The following PLIN1 variants were observed in gnomAD, a reference collection of about 807,000 sequenced individuals.
PLIN1 encodes the protein perilipin 1.
PLIN1 carries 37 observed loss-of-function variants against 45.8 expected under a neutral mutation model. The observed-to-expected ratio is 0.81, with a 90% CI of 0.62 to 1.06. The LOEUF (loss-of-function observed/expected upper bound fraction) is 1.06, where lower values mean the gene tolerates loss of function less well. PLIN1 is among the 50% of genes least tolerant of loss of function. The probability of loss-of-function intolerance (pLI) is 0.00; values close to 1 mark genes in which losing one functional copy is unlikely to be tolerated. For missense variants in PLIN1, 776 were observed against 716.5 expected (o/e 1.08, Z -0.95); for synonymous variants, 340 against 309.2 (o/e 1.10, Z -1.05).
intron 2 of PLIN1, among the ~76,000 whole-genome samples, chr15:89,674,786 T>C (rs1964490699): frequency 6.6e-6 from 1 of 152,134 alleles, no homozygotes; most frequent in Non-Finnish European, 1.5e-5. Flanking sequence ...AGTTCCTAAC[T>C]TCGTTTACAA....
chr15:89,665,661 G>A lies in PLIN1; in HGVS notation c.1491C>T (p.Ser497=). The A allele has an allele frequency of 6.7e-7, 1 of 1,497,508 alleles. No homozygotes were observed. Among genetic ancestry groups the A allele is most frequent in the Non-Finnish European group, 8.9e-7 (1 of 1,126,824 alleles). 92.8% of individuals were successfully genotyped at this position (1,497,508 alleles called of 1,614,324 possible). Residue 497 remains serine, a synonymous_variant, in exon 9 of 9, where the codon AGC becomes AGT. Transcript: ENST00000300055. The part of the protein sequence containing the change: ...VPREKPKRRV[S]DSFFRPSVME... ...TGACGCTGGGCCGGAAGAAGCTGTC[G>A]CTGACCCTGCGCTTTGGCTTCTCGC...
chr15:89,677,726 GTTTCTTTCTTTTTCTTTTC>G, intron 1 of PLIN1: 1 of 515,160 alleles, frequency 1.9e-6, no homozygotes, highest in East Asian at 3.2e-5. Flanking sequence ...CAAGACTGAT[GTTTCTTTCTTTTTCTTTTC>G]TTTCTTTCTT....
chr15:89,674,646 C>G lies in PLIN1; in HGVS notation c.46-1232G>C, dbSNP rs193097941. 3.6e-4 allele frequency among the ~76,000 whole-genome samples: 55 copies of G among 152,296 alleles called. No individual in the cohort carries two copies. In the East Asian group the frequency reaches 5.6e-3, roughly 16 times the overall value. ...CTGAGCTGAAATTTGCCTCCACCCCCCTGTTCCACACTCTGCCCTCTGGAA... is the reference window on the plus strand; with the variant it reads ...CTGAGCTGAAATTTGCCTCCACCCCGCTGTTCCACACTCTGCCCTCTGGAA... On this transcript the variant is annotated intron_variant, in intron 2 of 8. Coordinates refer to ENST00000300055, the MANE Select transcript of PLIN1 (RefSeq NM_002666.5).
At chr15:89,677,339 A>T in intron 2 of PLIN1, 106 bp downstream of exon 2, 1 of 928,244 alleles carries the variant, frequency 1.1e-6, no homozygotes, top group Non-Finnish European at 1.8e-6. Context: ...AACTAGGATT[A>T]TAATCTGGGA....
chr15:89,677,869 G>C (rs1320705237), intron 1 of PLIN1: 1 of 187,564 alleles, frequency 5.3e-6, no homozygotes, highest in Non-Finnish European at 1.1e-5. Flanking sequence ...TCCTGCCTCA[G>C]CCTCCCAAGT....
chr15:89,677,182 T>C, intron 2 of PLIN1: 1 of 548,362 alleles, frequency 1.8e-6, no homozygotes, highest in Non-Finnish European at 3.3e-6. Flanking sequence ...TCCTCTCCAC[T>C]CCCCCCGTCC....
intron 3 of PLIN1, among the ~76,000 whole-genome samples, chr15:89,672,933 T>G (rs1486847118): frequency 2.0e-5 from 3 of 152,248 alleles, no homozygotes; most frequent in Non-Finnish European, 4.4e-5. Context: ...CACCACTGCC[T>G]GCACAGCTCT....
Position 89,664,904 on chromosome 15 carries a change from G to C in PLIN1, c.*679C>G. Reference sequence around the variant, plus strand: ...AAGAGTGACTATGCAGGTGAAGGCAGTAATGATGCAAATGGAAATGTGGCT... The same window carrying C: ...AAGAGTGACTATGCAGGTGAAGGCACTAATGATGCAAATGGAAATGTGGCT... On this transcript the variant is annotated 3_prime_UTR_variant, in exon 9 of 9. Transcript: ENST00000300055. 2.2e-6 allele frequency: 1 copy of C among 456,104 alleles called. No individual in the cohort carries two copies. The highest frequency in any genetic ancestry group is 4.4e-6 in the Non-Finnish European group (1 of 226,798). 28.3% of individuals were successfully genotyped at this position (456,104 alleles called of 1,614,324 possible).
intron 2 of PLIN1, 30 bp downstream of exon 2, chr15:89,677,415 C>G (rs1182157204): frequency 1.3e-6 from 2 of 1,590,068 alleles, no homozygotes; most frequent in South Asian, 2.2e-5. Flanking sequence ...GTTGTCCATC[C>G]CCTGTCACAG....
rs1015496903 is a variant in PLIN1 at position 89,667,132 on chromosome 15, G to A, written c.1013C>T (p.Thr338Ile). Residue 338 changes from threonine to isoleucine, a missense_variant, in exon 8 of 9, where the codon ACC (threonine) becomes ATC (isoleucine). Coordinates refer to ENST00000300055, the MANE Select transcript of PLIN1 (RefSeq NM_002666.5). Reference sequence around the variant, plus strand: ...GGTGGTCTGGAGGGTCTTCTGCAGGGTATGTGCCACACCACCCAGGAGGCC... The same window carrying A: ...GGTGGTCTGGAGGGTCTTCTGCAGGATATGTGCCACACCACCCAGGAGGCC... ...PRGLLGGVAH[T>I]LQKTLQTTIS... 8 of 1,613,294 alleles carry A rather than the reference G, an allele frequency of 5.0e-6. No homozygotes were observed. The highest frequency in any genetic ancestry group is 5.9e-6 in the Non-Finnish European group (7 of 1,179,484).
Position 89,669,983 on chromosome 15 carries a change from A to T in PLIN1, c.595T>A (p.Ser199Thr). 1.9e-6 allele frequency: 3 copies of T among 1,610,266 alleles called. No individual in the cohort carries two copies. The highest frequency in any genetic ancestry group is 2.5e-6 in the Non-Finnish European group (3 of 1,179,186). The change falls in exon 5 of 9, where the codon TCA becomes ACA. Residue 199 changes from serine (S) to threonine (T), a missense_variant. Coordinates refer to ENST00000300055, the MANE Select transcript of PLIN1 (RefSeq NM_002666.5). Reference protein sequence around the residue: ...EYLLPPDKEESAPAPGHQQAQ... With the variant: ...EYLLPPDKEETAPAPGHQQAQ... Reference sequence around the variant, plus strand: ...CGAGCCTCCGAATGGCAGGTACCTGACTCTTCCTTGTCTGGAGGGAGGAGG... The same window carrying T: ...CGAGCCTCCGAATGGCAGGTACCTGTCTCTTCCTTGTCTGGAGGGAGGAGG...
Position 89,666,919 on chromosome 15 carries a change from C to T in PLIN1, c.1209+17G>A, listed in dbSNP as rs1423883248. On this transcript the variant is annotated intron_variant, in intron 8 of 8. Transcript: ENST00000300055. ...GCCCCCTTGGGACACTAACAGTTTG[C>T]CAGGGGTGGTACTCACCGGCACGTA... 6.2e-7 allele frequency: 1 copy of T among 1,613,584 alleles called. No individual in the cohort carries two copies. The highest frequency in any genetic ancestry group is 8.5e-7 in the Non-Finnish European group (1 of 1,179,798).
At chr15:89,677,916 A>AT in intron 1 of PLIN1, 1 of 157,446 alleles carries the variant, frequency 6.4e-6, no homozygotes. Flanking sequence ...ACGCCCGGCT[A>AT]GTTTTTTTTT....
chr15:89,665,645 G>GC lies in PLIN1; in HGVS notation c.1506dup (p.Pro503AlafsTer63). 2.0e-6 allele frequency: 3 copies of GC among 1,505,236 alleles called. No individual in the cohort carries two copies. The South Asian group carries it at 3.7e-5, about 19-fold the overall frequency. The allele number at this position is 1,505,236 out of a possible 1,614,324, so 93.2% of individuals were successfully genotyped here. The stretch of plus-strand genomic sequence containing the variant: ...CCCAGGATGGGCTCCATGACGCTGG[G>GC]CCGGAAGAAGCTGTCGCTGACCCTG... On this transcript the variant is annotated frameshift_variant, in exon 9 of 9. Coordinates refer to ENST00000300055, the MANE Select transcript of PLIN1 (RefSeq NM_002666.5). LOFTEE classifies it high-confidence loss of function.
In PLIN1 at chr15:89,665,627, T is replaced by C. The variant is rs1228947976; in HGVS notation, c.1525A>G (p.Ile509Val). The C allele has an allele frequency of 6.6e-7, 1 of 1,517,018 alleles. No individual in the cohort carries two copies. Among genetic ancestry groups the C allele is most frequent in the Admixed American group, 2.0e-5 (1 of 49,474 alleles). The allele number at this position is 1,517,018 out of a possible 1,614,324, so 94.0% of individuals were successfully genotyped here. Residue 509 changes from isoleucine (I) to valine (V), a missense_variant, in exon 9 of 9, where the codon ATC (isoleucine) becomes GTC (valine). Coordinates refer to ENST00000300055, the MANE Select transcript of PLIN1 (RefSeq NM_002666.5). ...SFFRPSVMEP[I>V]LGRTHYSQLR... The stretch of plus-strand genomic sequence containing the variant: ...TGGCTGTAATGCGTGCGGCCCAGGA[T>C]GGGCTCCATGACGCTGGGCCGGAAG...
At chr15:89,666,685 C>T (rs1659026588) in intron 8 of PLIN1, among the ~76,000 whole-genome samples, 1 of 152,106 alleles carries the variant, frequency 6.6e-6, no homozygotes, top group African/African-American at 2.4e-5. Context: ...TGGCTGGAGA[C>T]TCCTCTACCA....
chr15:89,679,108 G>C (rs1264296060), intron 1 of PLIN1, 143 bp downstream of exon 1: 2 of 152,098 alleles, frequency 1.3e-5, no homozygotes, highest in African/African-American at 4.8e-5. Flanking sequence ...TTGGCCACCT[G>C]CAGTGCTGGG....
rs1369909062 is a variant in PLIN1, at chr15:89,667,116, G to C, written c.1029C>G (p.Leu343=). 10 of 1,613,946 alleles carry C rather than the reference G, an allele frequency of 6.2e-6. No individual in the cohort carries two copies. Among genetic ancestry groups the C allele is most frequent in the African/African-American group, 1.3e-5 (1 of 74,926 alleles). Residue 343 remains leucine, a synonymous_variant, in exon 8 of 9, where the codon CTC becomes CTG. Transcript: ENST00000300055. ...GGVAHTLQKT[L]QTTISAVTWA... ...ATGTCACAGCCGAGATGGTGGTCTG[G>C]AGGGTCTTCTGCAGGGTATGTGCCA...
chr15:89,667,506 T>C (rs567917100), intron 7 of PLIN1, 96 bp downstream of exon 7: 23 of 1,571,910 alleles, frequency 1.5e-5, no homozygotes, highest in South Asian at 1.0e-4. Context: ...GCCGTGCCCC[T>C]GCATCTGGGG....
Sources: gnomAD v4.1 joint callset for allele counts (sites outside exome capture counted in the v4.1 genomes callset) on GRCh38, gnomAD v4.1.1 for gene constraint, MANE v1.5 for transcripts, NCBI Gene and HGNC (gene_info 2026-07-23, HGNC 2026-07-21) for gene names.